Variants in BRCA1 observed in about 807,000 individuals in gnomAD.
BRCA1 encodes the protein breast cancer type 1 susceptibility protein.
In BRCA1, 140 loss-of-function variants were observed where a neutral mutation model predicts 173.7. That is an observed-to-expected ratio of 0.81 (90% CI 0.70 to 0.93). The LOEUF (loss-of-function observed/expected upper bound fraction) is 0.93, where lower values mean the gene tolerates loss of function less well. Among genes scored for constraint, BRCA1 ranks in the 40% least tolerant of loss-of-function variants. The probability of loss-of-function intolerance (pLI) is 0.00; values close to 1 mark genes in which losing one functional copy is unlikely to be tolerated. For missense variants in BRCA1, 1,983 were observed against 2,172.5 expected (o/e 0.91, Z 1.73); for synonymous variants, 662 against 756.0 (o/e 0.88, Z 2.04).
At chr17:43,071,973 A>C (rs2052467702) in intron 14 of BRCA1, among the ~76,000 whole-genome samples, 1 of 152,012 alleles carries the variant, frequency 6.6e-6, no homozygotes, top group Admixed American at 6.5e-5. Context: ...GAGCCATTGC[A>C]TTCCAGCCTG....
At position 43,168,327 on chromosome 17, in the gene BRCA1, A is replaced by C. The variant is rs1320698122; in HGVS notation, c.-20+1799T>G. 8.6e-6 allele frequency: 3 copies of C among 349,252 alleles called. No individual in the cohort carries two copies. In the East Asian group the frequency reaches 3.0e-4, roughly 34 times the overall value. The allele number at this position is 349,252 out of a possible 1,614,324, so 21.6% of individuals were successfully genotyped here. ...AAAGGTTTAGAAAAATGACAACTTC[A>C]TTTTATCATTTTAAAATAAGGTAAA... On this transcript the variant is annotated intron_variant, in intron 1 of 7. Transcript: ENST00000634433.
Position 43,066,812 on chromosome 17 carries a change from CTTT to C in BRCA1, c.5074+793_5074+795del, listed in dbSNP as rs34253779. Among the ~76,000 whole-genome samples the C allele has an allele frequency of 3.1e-3, 350 of 112,222 alleles. 2 individuals are homozygous for C. The highest frequency in any genetic ancestry group is 0.014 in the African/African-American group (329 of 23,170). 73.6% of individuals were successfully genotyped at this position (112,222 alleles called of 152,430 possible). On this transcript the variant is annotated intron_variant, in intron 16 of 22. Coordinates refer to ENST00000357654, the MANE Select transcript of BRCA1 (RefSeq NM_007294.4). ...TATCTCAGCTCACCACCCTCCAAAC[CTTT>C]TTTTTTTTTTTTTTTTTTTGAGACA...
chr17:43,143,506 TCTTTA>T (rs1180388698), intron 1 of BRCA1, among the ~76,000 whole-genome samples: 5 of 152,324 alleles, frequency 3.3e-5, no homozygotes, highest in African/African-American at 1.2e-4. Flanking sequence ...TTAGCACTGT[TCTTTA>T]CTTCCTATTA....
chr17:43,108,448 T>C (rs369294322), intron 3 of BRCA1, among the ~76,000 whole-genome samples: 11 of 151,278 alleles, frequency 7.3e-5, no homozygotes, highest in African/African-American at 2.7e-4. Flanking sequence ...CAGTGGCTCA[T>C]GTCTGCAATC....
chr17:43,073,796 C>T (rs963205159), intron 14 of BRCA1, among the ~76,000 whole-genome samples: 1 of 151,498 alleles, frequency 6.6e-6, no homozygotes, highest in Non-Finnish European at 1.5e-5. Flanking sequence ...GCTCTGTCAC[C>T]CAGACTGGAG....
At chr17:43,070,435 A>AATT (rs2052332207) in intron 15 of BRCA1, among the ~76,000 whole-genome samples, 2 of 152,314 alleles carry the variant, frequency 1.3e-5, no homozygotes, top group South Asian at 4.1e-4. Flanking sequence ...AAATCCTAAT[A>AATT]GCAAGGGATA....
At chr17:43,062,019 C>A (rs935925508) in intron 18 of BRCA1, among the ~76,000 whole-genome samples, 2 of 152,084 alleles carry the variant, frequency 1.3e-5, no homozygotes, top group African/African-American at 4.8e-5. Context: ...TAAAGTGCAA[C>A]ATCTTTTTGA....
rs958835125 is a variant in BRCA1, at chr17:43,161,294, G to A, written c.-20+8832C>T. ...CAGTTGATCATATAAATGGGGATCC[G>A]GTATCCCCACGAGCCATCTTGTGCC... On this transcript the variant is annotated intron_variant, in intron 1 of 7. Transcript: ENST00000634433. 2.0e-5 allele frequency: 3 copies of A among 152,238 alleles called. No homozygotes were observed. The East Asian group carries it at 5.8e-4, about 29-fold the overall frequency. The allele number at this position is 152,238 out of a possible 1,614,324, so 9.4% of individuals were successfully genotyped here.
At chr17:43,122,088 G>A (rs1195758191) in intron 2 of BRCA1, among the ~76,000 whole-genome samples, 2 of 152,102 alleles carry the variant, frequency 1.3e-5, no homozygotes, top group East Asian at 1.9e-4. Flanking sequence ...TAGCTATAAT[G>A]TTGAAGGGCA....
intron 1 of BRCA1, among the ~76,000 whole-genome samples, chr17:43,135,607 C>G (rs577848156): frequency 2.6e-5 from 4 of 152,328 alleles, no homozygotes; most frequent in South Asian, 4.1e-4. Context: ...TCGCGGTCTT[C>G]GGAGCCTTCA....
intron 3 of BRCA1, among the ~76,000 whole-genome samples, chr17:43,112,112 C>T (rs962135295): frequency 2.7e-5 from 4 of 149,866 alleles, no homozygotes; most frequent in Non-Finnish European, 4.4e-5. Context: ...TTTTTTGAGA[C>T]GGAATCTTGC....
At chr17:43,109,638 G>A (rs569407328) in intron 3 of BRCA1, among the ~76,000 whole-genome samples, 168 of 152,186 alleles carry the variant, frequency 1.1e-3, no homozygotes, top group Non-Finnish European at 1.9e-3. Flanking sequence ...TCAGAATAGA[G>A]GCTCCCACTC....
chr17:43,049,096 C>T (rs2051067487), intron 21 of BRCA1, 25 bp downstream of exon 21: 3 of 1,608,426 alleles, frequency 1.9e-6, no homozygotes, highest in Admixed American at 1.7e-5. Context: ...TGTCCTCCCT[C>T]TCTGACAGGG....
At chr17:43,063,493 C>T (rs2051884664) in intron 17 of BRCA1, 120 bp from the exon 18 acceptor site, 1 of 808,688 alleles carries the variant, frequency 1.2e-6, no homozygotes, top group South Asian at 1.4e-5. Flanking sequence ...AGAGGTCCTT[C>T]CCTCTAAAGC....
chr17:43,095,106 C>T (rs1318533885), intron 9 of BRCA1, among the ~76,000 whole-genome samples: 1 of 66,930 alleles, frequency 1.5e-5, no homozygotes, highest in African/African-American at 5.1e-5. Flanking sequence ...AGAAACCACA[C>T]CTATTTCTCT....
chr17:43,115,955 G>A (rs112147727), intron 2 of BRCA1, among the ~76,000 whole-genome samples, 176 bp from the exon 3 acceptor site: 10 of 152,280 alleles, frequency 6.6e-5, no homozygotes, highest in African/African-American at 2.2e-4. Flanking sequence ...TGAGAATACA[G>A]CAGAGAATAC....
At chr17:43,123,688 T>G (rs1325467789) in intron 2 of BRCA1, among the ~76,000 whole-genome samples, 1 of 152,126 alleles carries the variant, frequency 6.6e-6, no homozygotes. Context: ...TGATGGAGCT[T>G]GTTTTAGAGC....
At position 43,118,761 on chromosome 17, in the gene BRCA1, C is replaced by CTT. The variant is rs35150209; in HGVS notation, c.81-2984_81-2983dup. On this transcript the variant is annotated intron_variant, in intron 2 of 22. Transcript: ENST00000357654. ...CTTTAGCTTTCTTCTGAATGTGAAC[C>CTT]TTTTTTTTTTTTTTTGGAGATGGAG... Among the ~76,000 whole-genome samples the CTT allele has an allele frequency of 1.0e-3, 143 of 136,580 alleles. No homozygotes were observed. In the Middle Eastern group the frequency reaches 0.015, roughly 14 times the overall value. The allele number at this position is 136,580 out of a possible 152,430, so 89.6% of individuals were successfully genotyped here.
intron 1 of BRCA1, 80 bp downstream of exon 1, chr17:43,125,191 A>T (rs1057289796): frequency 4.5e-6 from 2 of 448,524 alleles, no homozygotes; most frequent in African/African-American, 4.3e-5. Context: ...CCCATCTGTC[A>T]GCTTCGGAAA....
Sources: gnomAD v4.1 joint callset for allele counts (sites outside exome capture counted in the v4.1 genomes callset) on GRCh38, gnomAD v4.1.1 for gene constraint, MANE v1.5 for transcripts, NCBI Gene and HGNC (gene_info 2026-07-23, HGNC 2026-07-21) for gene names.